The following SORCS1 variants were observed in gnomAD, a reference collection of about 807,000 sequenced individuals.
SORCS1 encodes the protein VPS10 domain-containing receptor SorCS1.
In SORCS1, 60 loss-of-function variants were observed where a neutral mutation model predicts 146.1. The observed-to-expected ratio is 0.41, with a 90% CI of 0.33 to 0.51. The LOEUF (loss-of-function observed/expected upper bound fraction) is 0.51. Among genes scored for constraint, SORCS1 ranks in the 20% least tolerant of loss-of-function variants. The pLI, the probability that SORCS1 is intolerant of heterozygous loss-of-function variation, is 0.21. For synonymous variants in SORCS1, 637 were observed against 584.0 expected (o/e 1.09, Z -1.31); for missense variants, 1,352 against 1,487.6 (o/e 0.91, Z 1.50).
chr10:106,677,503 G>A, intron 12 of SORCS1, 99 bp from the exon 13 acceptor site: 1 of 1,036,542 alleles, frequency 9.6e-7, no homozygotes, highest in South Asian at 1.4e-5. Flanking sequence ...TCCTTCCCAT[G>A]ATAAAAATAG....
At chr10:106,606,548 T>G (rs1846606763) in intron 23 of SORCS1, among the ~76,000 whole-genome samples, 1 of 152,254 alleles carries the variant, frequency 6.6e-6, no homozygotes. Context: ...TGCTTTTTTT[T>G]CCACTTGATA....
chr10:107,091,981 G>A (rs1053237523), intron 1 of SORCS1, among the ~76,000 whole-genome samples: 2 of 152,142 alleles, frequency 1.3e-5, no homozygotes, highest in Non-Finnish European at 2.9e-5. Context: ...GTATCTAGCA[G>A]AGTACCTACA....
chr10:107,033,179 A>AATGTGC (rs974690655), intron 1 of SORCS1, among the ~76,000 whole-genome samples: 2 of 152,102 alleles, frequency 1.3e-5, no homozygotes, highest in African/African-American at 4.8e-5. Flanking sequence ...CAGGAAAGAG[A>AATGTGC]ATGTGCGCAG....
the SORCS1 span, among the ~76,000 whole-genome samples, chr10:107,171,117 C>A: frequency 2.6e-5 from 4 of 152,184 alleles, no homozygotes; most frequent in African/African-American, 9.7e-5. Context: ...ATACCAACTT[C>A]AGTTTGACAC....
At chr10:107,122,378 A>AAT (rs1459572013) in intron 1 of SORCS1, among the ~76,000 whole-genome samples, 1 of 152,174 alleles carries the variant, frequency 6.6e-6, no homozygotes, top group Non-Finnish European at 1.5e-5. Flanking sequence ...AGTAAGTAGC[A>AAT]AGAGTTCCAC....
At chr10:106,841,027 T>C (rs1380601688) in intron 2 of SORCS1, among the ~76,000 whole-genome samples, 1 of 151,680 alleles carries the variant, frequency 6.6e-6, no homozygotes, top group African/African-American at 2.4e-5. Context: ...CGCTAATTTT[T>C]TGCATTTTAA....
chr10:106,942,159 C>CATTCA (rs1954076602), intron 2 of SORCS1, among the ~76,000 whole-genome samples: 1 of 152,152 alleles, frequency 6.6e-6, no homozygotes, highest in African/African-American at 2.4e-5. Context: ...ACAGAGTTCC[C>CATTCA]CGGGGACAAG....
At chr10:107,132,234 T>C (rs1425859488) in intron 1 of SORCS1, among the ~76,000 whole-genome samples, 2 of 152,038 alleles carry the variant, frequency 1.3e-5, no homozygotes, top group Non-Finnish European at 2.9e-5. Context: ...CTCCAGGCAA[T>C]CCCATTATTT....
chr10:107,057,710 G>C (rs1228931086), intron 1 of SORCS1, among the ~76,000 whole-genome samples: 1 of 152,178 alleles, frequency 6.6e-6, no homozygotes, highest in Non-Finnish European at 1.5e-5. Flanking sequence ...TTTTGTTGCT[G>C]TTGATGGAAA....
In SORCS1 at chr10:106,699,326, T is replaced by C; in HGVS notation, c.1301A>G (p.Asp434Gly). The C allele has an allele frequency of 5.6e-6, 9 of 1,614,024 alleles. No individual in the cohort carries two copies. The highest frequency in any genetic ancestry group is 7.6e-6 in the Non-Finnish European group (9 of 1,179,896). The change falls in exon 9 of 26, where the codon GAC (aspartate) becomes GGC (glycine). Residue 434 changes from aspartate to glycine, a missense_variant. Physicochemically the swap from Asp to Gly is moderately conservative, Grantham distance 94 (BLOSUM62 -1). Around this residue, in one of 3 missense-constraint regions of SORCS1, gnomAD observed 648 missense variants for 793.8 expected, o/e 0.82. Transcript: ENST00000263054. ...GTCTGAGATGTAGAGGTTGTACGTG[T>C]CATTCTGGTTCCATTCTTGGACCGC... is the stretch of plus-strand genomic sequence containing the variant. ...FAAVQEWNQN[D>G]TYNLYISDTR...
In SORCS1 at chr10:106,794,082, CT is replaced by C. The variant is rs556879627; in HGVS notation, c.727-17391del. The stretch of plus-strand genomic sequence containing the variant: ...ACATTAGAACCCCATAGTCCACAGA[CT>C]GACTCTGACCAGCACCCGAGTTCTA... On this transcript the variant is annotated intron_variant, in intron 3 of 25. Coordinates refer to ENST00000263054, the MANE Select transcript of SORCS1 (RefSeq NM_052918.5). Among the ~76,000 whole-genome samples the C allele has an allele frequency of 3.5e-3, 537 of 152,310 alleles. 1 individual carries two copies. Among genetic ancestry groups the C allele is most frequent in the Non-Finnish European group, 5.3e-3 (363 of 68,030 alleles).
intron 10 of SORCS1, among the ~76,000 whole-genome samples, chr10:106,681,142 C>T (rs1852406163): frequency 6.6e-6 from 1 of 152,148 alleles, no homozygotes; most frequent in Admixed American, 6.5e-5. Flanking sequence ...AGACTCTTGG[C>T]TTTTATTTGT....
chr10:106,942,772 T>A (rs1954112587), intron 2 of SORCS1, among the ~76,000 whole-genome samples: 1 of 152,168 alleles, frequency 6.6e-6, no homozygotes, highest in African/African-American at 2.4e-5. Context: ...GACCTTGGAT[T>A]CCATACCTTC....
At chr10:106,955,626 G>C (rs1196095833) in intron 2 of SORCS1, among the ~76,000 whole-genome samples, 2 of 152,250 alleles carry the variant, frequency 1.3e-5, no homozygotes, top group Non-Finnish European at 1.5e-5. Context: ...GTGTGCATGA[G>C]TGTGGGTATG....
At chr10:106,674,789 T>G (rs1851903261) in intron 14 of SORCS1, among the ~76,000 whole-genome samples, 1 of 152,208 alleles carries the variant, frequency 6.6e-6, no homozygotes, top group Non-Finnish European at 1.5e-5. Flanking sequence ...TTACTGAAGT[T>G]TTAAATGTAC....
At chr10:106,974,688 C>A (rs550378784) in intron 1 of SORCS1, among the ~76,000 whole-genome samples, 17 of 152,236 alleles carry the variant, frequency 1.1e-4, no homozygotes, top group South Asian at 4.2e-4. Context: ...AATTACCAAC[C>A]CTGTCTGCAG....
intron 1 of SORCS1, among the ~76,000 whole-genome samples, chr10:107,110,625 C>G (rs1965630405): frequency 2.6e-5 from 4 of 152,028 alleles, no homozygotes; most frequent in South Asian, 4.2e-4. Flanking sequence ...CAACTCCCCC[C>G]ACCCCCACCA....
At chr10:106,785,121 G>A (rs189387473) in intron 3 of SORCS1, among the ~76,000 whole-genome samples, 1 of 152,278 alleles carries the variant, frequency 6.6e-6, no homozygotes, top group East Asian at 1.9e-4. Context: ...GGCTCTTGGG[G>A]AACAGCCAAT....
intron 1 of SORCS1, among the ~76,000 whole-genome samples, chr10:106,989,589 G>A (rs1956658595): frequency 6.6e-6 from 1 of 151,670 alleles, no homozygotes; most frequent in Non-Finnish European, 1.5e-5. Flanking sequence ...TGCAGCAACA[G>A]GCACTGTGTC....
Sources: allele counts gnomAD v4.1 joint callset (sites outside exome capture counted in the v4.1 genomes callset), GRCh38; gene constraint gnomAD v4.1.1; regional missense constraint gnomAD v4.1.1; transcripts MANE v1.5; gene names NCBI Gene and HGNC (gene_info 2026-07-23, HGNC 2026-07-21).